The following ARL10 variants were observed in gnomAD, a reference collection of about 807,000 sequenced individuals.
The protein encoded by ARL10 is ARF like GTPase 10, also known as ADP-ribosylation factor-like protein 10.
ARL10 carries 23 observed loss-of-function variants against 26.1 expected under a neutral mutation model. The ratio of observed to expected loss-of-function variants is 0.88; its 90% CI spans 0.63 to 1.25. The LOEUF (loss-of-function observed/expected upper bound fraction) is 1.25. Ranked by LOEUF, ARL10 falls within the 50% of genes most tolerant of loss-of-function variation. ARL10 has a pLI of 0.00. For synonymous variants in ARL10, 138 were observed against 149.1 expected, an observed-to-expected ratio of 0.93 and a Z score of 0.54; for missense variants, 300 against 323.6, an observed-to-expected ratio of 0.93 and a Z score of 0.56.
Position 176,365,673 on chromosome 5 carries a change from A to G in ARL10, c.110A>G (p.Glu37Gly). 1 of 1,247,576 alleles carries G rather than the reference A, an allele frequency of 8.0e-7. No individual in the cohort carries two copies. Among genetic ancestry groups the G allele is most frequent in the African/African-American group, 1.6e-5 (1 of 64,428 alleles). The allele number at this position is 1,247,576 out of a possible 1,614,324, so 77.3% of individuals were successfully genotyped here. The change falls in exon 1 of 4, where the codon GAG becomes GGG. Residue 37 changes from glutamate to glycine, a missense_variant. Glu to Gly is a moderately conservative substitution (Grantham distance 98). Coordinates refer to ENST00000310389, the MANE Select transcript of ARL10 (RefSeq NM_173664.6). ...AAGACCTACTTCGGCCGCGGCCGAG[A>G]GCGGCGCTGGGACCGGGGAGAGGCC... The part of the protein sequence containing the change: ...LWKTYFGRGR[E>G]RRWDRGEAWW...
Position 176,380,683 on chromosome 5 carries a change from G to C in ARL10, c.*8788G>C, listed in dbSNP as rs1042767255. The C allele has an allele frequency of 6.6e-6, 1 of 151,932 alleles. No homozygotes were observed. Among genetic ancestry groups the C allele is most frequent in the African/African-American group, 2.4e-5 (1 of 41,334 alleles). The allele number at this position is 151,932 out of a possible 1,614,324, so 9.4% of individuals were successfully genotyped here. A position where few individuals can be genotyped will look rare whatever the true frequency, so the allele number is the denominator to read the frequency against. ...TGTATTTTTAGTAGGGAGGGGTTTC[G>C]CCACATTGGCCAGGCAGGTGAGGTG... On this transcript the variant is annotated 3_prime_UTR_variant, in exon 4 of 4. Transcript: ENST00000310389.
chr5:176,366,070 G>A (rs1221973003), intron 1 of ARL10, among the ~76,000 whole-genome samples: 1 of 152,160 alleles, frequency 6.6e-6, no homozygotes, highest in Non-Finnish European at 1.5e-5. Context: ...GTCGGCTCGC[G>A]CCCCTCCGGC....
At chr5:176,413,458 C>T in the ARL10 span, among the ~76,000 whole-genome samples, 1 of 152,228 alleles carries the variant, frequency 6.6e-6, no homozygotes, top group Non-Finnish European at 1.5e-5. Flanking sequence ...CCAGATCACC[C>T]AGGGCCACAG....
chr5:176,384,510 G>T, downstream of ARL10: 1 of 813,906 alleles, frequency 1.2e-6, no homozygotes, highest in Non-Finnish European at 1.9e-6. Context: ...TGGTGCACCG[G>T]GCACAGTGGC....
chr5:176,373,107 G>C lies in ARL10; in HGVS notation c.*1212G>C. ...GGGTAGATAAGAAATGACTCTGGGA[G>C]AGGATTTCCCTTATGTGAATCTAGG... On this transcript the variant is annotated 3_prime_UTR_variant, in exon 4 of 4. Transcript: ENST00000310389. 1 of 398,558 alleles carries C rather than the reference G, an allele frequency of 2.5e-6. No homozygotes were observed. The highest frequency in any genetic ancestry group is 4.4e-6 in the Non-Finnish European group (1 of 226,056). The allele number at this position is 398,558 out of a possible 1,614,324, so 24.7% of individuals were successfully genotyped here. A position where few individuals can be genotyped will look rare whatever the true frequency, so the allele number is the denominator to read the frequency against.
At chr5:176,370,949 C>T (rs984768318) in intron 3 of ARL10, among the ~76,000 whole-genome samples, 7 of 152,216 alleles carry the variant, frequency 4.6e-5, no homozygotes, top group East Asian at 1.9e-4. Context: ...GGCTCTACCA[C>T]CTATCACTGT....
downstream of ARL10, among the ~76,000 whole-genome samples, chr5:176,390,965 T>G (rs1342222257): frequency 1.3e-5 from 2 of 152,198 alleles, no homozygotes; most frequent in Non-Finnish European, 1.5e-5. Context: ...TCCTGGTCTG[T>G]GGTCAGCGCT....
At chr5:176,414,252 G>A in the ARL10 span, among the ~76,000 whole-genome samples, 3 of 152,244 alleles carry the variant, frequency 2.0e-5, no homozygotes, top group Non-Finnish European at 2.9e-5. Flanking sequence ...AGTGAATACT[G>A]GTGCATTAAC....
At chr5:176,398,000 G>C (rs1250934526) in intron 1 of ARL10, 1 of 1,614,028 alleles carries the variant, frequency 6.2e-7, no homozygotes, top group Non-Finnish European at 8.5e-7. Context: ...GGGTCAGCCT[G>C]TCAGCCTGGG....
At chr5:176,393,116 C>T (rs1281683023), downstream of ARL10, among the ~76,000 whole-genome samples, 1 of 152,158 alleles carries the variant, frequency 6.6e-6, no homozygotes, top group Non-Finnish European at 1.5e-5. The surrounding 1 kb of genome is among the most constrained non-coding windows in gnomAD (Gnocchi z 4.4). Context: ...CTAGCTTGGT[C>T]CTGCCTCAGG....
At chr5:176,388,998 A>C, downstream of ARL10, 1 of 1,613,364 alleles carries the variant, frequency 6.2e-7, no homozygotes. Context: ...TAGGAACTGC[A>C]CAAGGAGAGG....
At chr5:176,389,223 C>T, downstream of ARL10, 5 of 1,359,948 alleles carry the variant, frequency 3.7e-6, 1 homozygote, top group African/African-American at 1.5e-5. Flanking sequence ...CGCCGCCCTC[C>T]CTCCGCTGTG....
At chr5:176,385,286 T>C (rs1755750935), downstream of ARL10, 3 of 1,612,972 alleles carry the variant, frequency 1.9e-6, no homozygotes, top group South Asian at 2.2e-5. Context: ...CGAGACAGAG[T>C]ATTTCCTTTC....
intron 1 of ARL10, chr5:176,397,883 C>T (rs1756624359): frequency 6.4e-7 from 1 of 1,552,202 alleles, no homozygotes; most frequent in Non-Finnish European, 8.9e-7. Context: ...CACACTCCAC[C>T]CCACACACAG....
At position 176,373,416 on chromosome 5, in the gene ARL10, C is replaced by T. The variant is rs1483394240; in HGVS notation, c.*1521C>T. On this transcript the variant is annotated 3_prime_UTR_variant, in exon 4 of 4. Transcript: ENST00000310389. ...TTAGGGACCACTAAATCAACAACCA[C>T]AAATGGATTTTTTTTTTAAGAGGAG... 2.9e-5 allele frequency: 6 copies of T among 204,340 alleles called. No homozygotes were observed. Among genetic ancestry groups the T allele is most frequent in the African/African-American group, 1.4e-4 (6 of 43,538 alleles). The allele number at this position is 204,340 out of a possible 1,614,324, so 12.7% of individuals were successfully genotyped here. A position where few individuals can be genotyped will look rare whatever the true frequency, so the allele number is the denominator to read the frequency against.
At chr5:176,384,242 C>T, downstream of ARL10, 2 of 1,614,236 alleles carry the variant, frequency 1.2e-6, no homozygotes, top group Non-Finnish European at 1.7e-6. Context: ...CACTCCACCT[C>T]CATCTTCCTC....
At chr5:176,366,708 G>A (rs1364680299) in intron 2 of ARL10, 127 bp downstream of exon 2, 6 of 1,147,638 alleles carry the variant, frequency 5.2e-6, no homozygotes, top group East Asian at 2.6e-5. Context: ...CCTTCCCACC[G>A]CTCTCCGGGG....
chr5:176,398,707 C>T (rs563327985), intron 1 of ARL10, among the ~76,000 whole-genome samples: 74 of 151,878 alleles, frequency 4.9e-4, no homozygotes, highest in Non-Finnish European at 3.2e-4. Flanking sequence ...AGCAAAACCC[C>T]GTCTCAAAAA....
At chr5:176,397,331 C>T (rs1227514007) in intron 1 of ARL10, among the ~76,000 whole-genome samples, 50 of 139,504 alleles carry the variant, frequency 3.6e-4, no homozygotes, top group Non-Finnish European at 1.7e-4. Context: ...CATAGCCCCT[C>T]TCATGTCCCC....
Sources: allele counts gnomAD v4.1 joint callset (sites outside exome capture counted in the v4.1 genomes callset), GRCh38; gene constraint gnomAD v4.1.1; non-coding constraint Gnocchi (gnomAD v3.1); transcripts MANE v1.5; gene names NCBI Gene and HGNC (gene_info 2026-07-23, HGNC 2026-07-21).